Variants in LCORL observed in about 807,000 individuals in gnomAD.
LCORL encodes ligand-dependent nuclear receptor corepressor-like protein.
Under a neutral mutation model 141.8 loss-of-function variants are expected in LCORL, and 41 were observed. The ratio of observed to expected loss-of-function variants is 0.29; its 90% CI spans 0.23 to 0.38. The LOEUF is 0.38. Ranked by LOEUF, LCORL falls within the 10% of genes least tolerant of loss-of-function variation. The pLI, the probability that LCORL is intolerant of heterozygous loss-of-function variation, is 1.00. For missense variants in LCORL, 1,759 were observed against 2,035.0 expected, an observed-to-expected ratio of 0.86 and a Z score of 2.61; for synonymous variants, 618 against 694.1, an observed-to-expected ratio of 0.89 and a Z score of 1.72.
chr4:17,948,115 T>C (rs780218855), intron 4 of LCORL, among the ~76,000 whole-genome samples: 26 of 151,898 alleles, frequency 1.7e-4, no homozygotes, highest in Non-Finnish European at 3.1e-4. Flanking sequence ...GTGATAAATA[T>C]GTGGAGGGTT....
intron 4 of LCORL, among the ~76,000 whole-genome samples, chr4:17,960,817 G>A (rs1157292631): frequency 1.3e-5 from 2 of 152,014 alleles, no homozygotes; most frequent in Non-Finnish European, 1.5e-5. Flanking sequence ...TAAAGATAAT[G>A]CAGATTTCTC....
intron 1 of LCORL, among the ~76,000 whole-genome samples, chr4:17,998,985 A>AAAAAT (rs1374815646): frequency 4.7e-4 from 27 of 57,894 alleles, no homozygotes; most frequent in South Asian, 1.5e-3. Context: ...AAAAAAAAAA[A>AAAAAT]ATATATATAT....
intron 7 of LCORL, among the ~76,000 whole-genome samples, chr4:17,862,769 C>A (rs1352058148): frequency 6.6e-6 from 1 of 152,148 alleles, no homozygotes; most frequent in African/African-American, 2.4e-5. Flanking sequence ...AGTATAAAAA[C>A]CCTGGAGGAT....
chr4:18,021,562 C>T lies in LCORL; in HGVS notation c.154+36G>A. On this transcript the variant is annotated intron_variant, in intron 1 of 7. Transcript: ENST00000635767. The surrounding 1 kb of genome is among the most constrained non-coding windows in gnomAD (Gnocchi z 5.5). Reference sequence around the variant, plus strand: ...CCTCGGGCTGCGACAGCGGTCGCCGCGCGGAGCCCGGGGCCCCGGCCCGCG... The same window carrying T: ...CCTCGGGCTGCGACAGCGGTCGCCGTGCGGAGCCCGGGGCCCCGGCCCGCG... 1.3e-6 allele frequency: 2 copies of T among 1,498,416 alleles called. No individual in the cohort carries two copies. The highest frequency in any genetic ancestry group is 1.8e-6 in the Non-Finnish European group (2 of 1,122,734). 92.8% of individuals were successfully genotyped at this position (1,498,416 alleles called of 1,614,324 possible). A position where few individuals can be genotyped will look rare whatever the true frequency, so the allele number is the denominator to read the frequency against.
In LCORL at chr4:17,883,669, C is replaced by T. The variant is rs1289896243; in HGVS notation, c.776+2399G>A. ...ACACACCTGTGCACATACACACACA[C>T]GCAAACACACACACACACACACACT... On this transcript the variant is annotated intron_variant, in intron 6 of 7. Coordinates refer to ENST00000635767, the Ensembl canonical transcript of LCORL. The T allele has an allele frequency of 6.8e-5, 96 of 1,402,306 alleles. 1 individual carries two copies. Among genetic ancestry groups the T allele is most frequent in the African/African-American group, 1.7e-4 (9 of 54,508 alleles). 86.9% of individuals were successfully genotyped at this position (1,402,306 alleles called of 1,614,324 possible).
At chr4:17,999,721 A>G (rs2109820562) in intron 1 of LCORL, among the ~76,000 whole-genome samples, 1 of 152,322 alleles carries the variant, frequency 6.6e-6, no homozygotes, top group East Asian at 1.9e-4. Context: ...TGGTAAGAAG[A>G]AATTGTTTTA....
chr4:18,009,504 G>T (rs992943796), intron 1 of LCORL, among the ~76,000 whole-genome samples: 1 of 151,890 alleles, frequency 6.6e-6, no homozygotes. Flanking sequence ...CCACTGAGAG[G>T]CCTTCCTCCC....
chr4:17,908,144 C>T (rs1404633745), intron 5 of LCORL, among the ~76,000 whole-genome samples: 5 of 152,126 alleles, frequency 3.3e-5, no homozygotes, highest in Middle Eastern at 3.4e-3. Flanking sequence ...GCAACTCTCC[C>T]GCCTCAGCCT....
At chr4:17,975,009 T>C (rs1204155588) in intron 1 of LCORL, among the ~76,000 whole-genome samples, 3 of 152,162 alleles carry the variant, frequency 2.0e-5, no homozygotes, top group African/African-American at 7.2e-5. Context: ...TTATTGATCT[T>C]TTTACAAAAG....
intron 6 of LCORL, among the ~76,000 whole-genome samples, chr4:17,885,725 T>A (rs1728176271): frequency 6.6e-6 from 1 of 151,922 alleles, no homozygotes; most frequent in Non-Finnish European, 1.5e-5. Context: ...TTCATTGTTT[T>A]AAAAAATTAA....
chr4:18,009,631 C>G (rs1262675836), intron 1 of LCORL, among the ~76,000 whole-genome samples: 1 of 152,082 alleles, frequency 6.6e-6, no homozygotes, highest in Non-Finnish European at 1.5e-5. Context: ...GGGTCACTCC[C>G]TACCCCCTGG....
chr4:17,870,894 T>A (rs974628420), intron 7 of LCORL, among the ~76,000 whole-genome samples: 1 of 152,200 alleles, frequency 6.6e-6, no homozygotes, highest in East Asian at 1.9e-4. Context: ...TAAAAACTCA[T>A]AAATTATATC....
chr4:17,955,823 T>C (rs931284414), intron 4 of LCORL, among the ~76,000 whole-genome samples: 3 of 152,030 alleles, frequency 2.0e-5, no homozygotes, highest in Admixed American at 1.3e-4. Flanking sequence ...AGATCTTACA[T>C]GAAAAATGAT....
intron 7 of LCORL, among the ~76,000 whole-genome samples, chr4:17,851,934 A>G (rs1723774431): frequency 6.6e-6 from 1 of 152,176 alleles, no homozygotes; most frequent in Non-Finnish European, 1.5e-5. Context: ...GCATATTTTA[A>G]TGTTTTAGAA....
intron 7 of LCORL, among the ~76,000 whole-genome samples, chr4:17,864,042 G>A (rs1277600510): frequency 6.6e-6 from 1 of 151,952 alleles, no homozygotes; most frequent in Admixed American, 6.6e-5. Context: ...ACTACCTATT[G>A]GGTAGTATGC....
chr4:17,868,733 T>C (rs1358427897), intron 7 of LCORL, among the ~76,000 whole-genome samples: 2 of 152,170 alleles, frequency 1.3e-5, no homozygotes, highest in Non-Finnish European at 2.9e-5. Context: ...ATATAGCTTC[T>C]CACTATTCAC....
chr4:17,882,377 A>T (rs1482418990), intron 6 of LCORL: 5 of 983,590 alleles, frequency 5.1e-6, no homozygotes, highest in Non-Finnish European at 6.0e-6. Context: ...ATGAAGGCAT[A>T]TGCTTTATAA....
intron 4 of LCORL, among the ~76,000 whole-genome samples, chr4:17,918,317 A>G (rs1291769758): frequency 6.6e-6 from 1 of 152,198 alleles, no homozygotes; most frequent in Admixed American, 6.5e-5. Context: ...GGGACATGCA[A>G]AGACATAAAA....
At position 17,858,578 on chromosome 4, in the gene LCORL, A is replaced by C. The variant is rs570442711; in HGVS notation, c.5603-12677T>G. On this transcript the variant is annotated intron_variant, in intron 7 of 7. Transcript: ENST00000635767. ...TTTACTAAAAAAAAAAAAATACAAA[A>C]TTAGCCAGGCATGGTGGGGCATGCC... 9.2e-5 allele frequency among the ~76,000 whole-genome samples: 14 copies of C among 151,644 alleles called. No individual in the cohort carries two copies. The South Asian group carries it at 2.9e-3, about 32-fold the overall frequency.
Sources: allele counts gnomAD v4.1 joint callset (sites outside exome capture counted in the v4.1 genomes callset), GRCh38; gene constraint gnomAD v4.1.1; non-coding constraint Gnocchi (gnomAD v3.1); transcripts MANE v1.5; gene names NCBI Gene and HGNC (gene_info 2026-07-23, HGNC 2026-07-21).